Variants in POC1B observed in about 807,000 individuals in gnomAD.
POC1B encodes POC1 centriolar protein homolog B.
A neutral mutation model predicts 60.6 loss-of-function variants in POC1B; 44 were observed. The observed-to-expected ratio is 0.73, with a 90% confidence interval of 0.57 to 0.93. POC1B has a LOEUF of 0.93. Among genes scored for constraint, POC1B ranks in the 40% least tolerant of loss-of-function variants. POC1B has a pLI of 0.00. For synonymous variants in POC1B, 180 were observed against 198.9 expected, an observed-to-expected ratio of 0.90 and a Z score of 0.80; for missense variants, 555 against 572.3, an observed-to-expected ratio of 0.97 and a Z score of 0.31.
intron 2 of POC1B, chr12:89,519,368 A>T (rs1335026743): frequency 6.6e-6 from 1 of 152,226 alleles, no homozygotes; most frequent in Non-Finnish European, 1.5e-5. Flanking sequence ...TTATAAATGT[A>T]TACATAGGAG....
At chr12:89,402,055 G>A in the POC1B span, among the ~76,000 whole-genome samples, 1 of 152,168 alleles carries the variant, frequency 6.6e-6, no homozygotes, top group Non-Finnish European at 1.5e-5. Context: ...GCTCAGAGCT[G>A]CTCACTGTAG....
At chr12:89,416,544 G>T (rs1880368394), downstream of POC1B, among the ~76,000 whole-genome samples, 1 of 152,206 alleles carries the variant, frequency 6.6e-6, no homozygotes, top group Non-Finnish European at 1.5e-5. Flanking sequence ...AACACTATGT[G>T]AAAGACTTGG....
intron 10 of POC1B, among the ~76,000 whole-genome samples, chr12:89,438,809 T>C (rs1487353019): frequency 6.6e-6 from 1 of 152,256 alleles, no homozygotes; most frequent in African/African-American, 2.4e-5. Flanking sequence ...TACTCACTTA[T>C]TCTTCTTTCC....
intron 10 of POC1B, chr12:89,428,067 C>T (rs1039095393): frequency 2.0e-5 from 3 of 152,206 alleles, no homozygotes; most frequent in Non-Finnish European, 2.9e-5. Context: ...TCTAAGAAAT[C>T]TTGACTCATG....
At chr12:89,519,463 C>A (rs1363024833) in intron 2 of POC1B, 1 of 151,958 alleles carries the variant, frequency 6.6e-6, no homozygotes, top group African/African-American at 2.4e-5. Flanking sequence ...ATCAACATTA[C>A]AAATACAAAA....
chr12:89,446,726 A>C (rs957622656), intron 10 of POC1B, among the ~76,000 whole-genome samples: 2 of 152,052 alleles, frequency 1.3e-5, no homozygotes, highest in African/African-American at 4.8e-5. Flanking sequence ...TAATTAAAAA[A>C]AAAAAAGAAA....
intron 10 of POC1B, among the ~76,000 whole-genome samples, chr12:89,438,052 A>G (rs74525234): frequency 1.0e-5 from 1 of 99,900 alleles, no homozygotes; most frequent in African/African-American, 3.6e-5. Context: ...AACCGTCTCA[A>G]AAAAAAAAAA....
chr12:89,488,944 A>G (rs1276464210), intron 4 of POC1B, among the ~76,000 whole-genome samples: 2 of 151,624 alleles, frequency 1.3e-5, no homozygotes, highest in Non-Finnish European at 2.9e-5. Context: ...GGGCTAAATA[A>G]CTCTCTTCAT....
At chr12:89,524,672 G>A in intron 2 of POC1B, 1 of 1,063,134 alleles carries the variant, frequency 9.4e-7, no homozygotes, top group South Asian at 1.6e-5. Context: ...GCAGGCGCTA[G>A]GCTCCTTTCC....
At chr12:89,453,279 G>A (rs1489023016) in intron 10 of POC1B, among the ~76,000 whole-genome samples, 41 of 152,006 alleles carry the variant, frequency 2.7e-4, no homozygotes, top group Admixed American at 2.6e-3. Flanking sequence ...TTGAGTTACC[G>A]AATAAAAAAT....
chr12:89,440,240 T>C (rs774977486), intron 10 of POC1B, among the ~76,000 whole-genome samples: 15 of 152,254 alleles, frequency 9.9e-5, no homozygotes, highest in Non-Finnish European at 2.1e-4. Flanking sequence ...TGAAAAATTT[T>C]CTGTTTCTTC....
intron 2 of POC1B, chr12:89,523,923 C>A (rs1188288262): frequency 6.2e-7 from 1 of 1,609,530 alleles, no homozygotes; most frequent in Non-Finnish European, 8.5e-7. Flanking sequence ...TCAGACGGGC[C>A]CTAACCAGCC....
chr12:89,467,182 G>T lies in POC1B; in HGVS notation c.880-260C>A, dbSNP rs918349850. On this transcript the variant is annotated intron_variant, in intron 8 of 11. Coordinates refer to ENST00000313546, the MANE Select transcript of POC1B (RefSeq NM_172240.3). ...TATCTTAAAATCCTCTTTTTTTTTGGTCAAAGCCCAAAACCATGTTTTGGA... is the reference window on the plus strand; with the variant it reads ...TATCTTAAAATCCTCTTTTTTTTTGTTCAAAGCCCAAAACCATGTTTTGGA... 2.7e-5 allele frequency among the ~76,000 whole-genome samples: 4 copies of T among 150,602 alleles called. No individual in the cohort carries two copies. The East Asian group carries it at 5.8e-4, about 22-fold the overall frequency.
At chr12:89,414,435 T>C in the POC1B span, among the ~76,000 whole-genome samples, 19 of 152,238 alleles carry the variant, frequency 1.2e-4, no homozygotes, top group Non-Finnish European at 2.4e-4. Flanking sequence ...AACCTCTGCC[T>C]CTTGGCAAGC....
At position 89,438,488 on chromosome 12, in the gene POC1B, G is replaced by A. The variant is rs562327710; in HGVS notation, c.1114-13109C>T. Among the ~76,000 whole-genome samples, 10 of 152,106 alleles carry A rather than the reference G, an allele frequency of 6.6e-5. No homozygotes were observed. In the East Asian group the frequency reaches 1.4e-3, roughly 21 times the overall value. On this transcript the variant is annotated intron_variant, in intron 10 of 11. Coordinates refer to ENST00000313546, the MANE Select transcript of POC1B (RefSeq NM_172240.3). ...AAACAAACAAACAAACAAACAAAAA[G>A]CTCTTCAAAAGGTTAGCAATAATCT...
intron 3 of POC1B, 41 bp downstream of exon 3, chr12:89,497,130 C>T (rs996704116): frequency 5.7e-6 from 9 of 1,583,936 alleles, no homozygotes; most frequent in Admixed American, 1.7e-5. Flanking sequence ...TTTCACATTT[C>T]CAAATCCAAA....
intron 10 of POC1B, among the ~76,000 whole-genome samples, chr12:89,451,614 G>T (rs1392155748): frequency 2.0e-5 from 3 of 152,150 alleles, no homozygotes; most frequent in Non-Finnish European, 4.4e-5. Context: ...GACCAGCACT[G>T]GGCCTTAATA....
rs1344406262 is a variant in POC1B, at chr12:89,497,341, A to T, written c.102T>A (p.Ala34=). 6.2e-7 allele frequency: 1 copy of T among 1,610,372 alleles called. No individual in the cohort carries two copies. The highest frequency in any genetic ancestry group is 2.2e-5 in the East Asian group (1 of 44,864). ...TGAGAAAGGTATCCCAAGAAGCAGT[A>T]GCTATCAAGAAATAGAAGAACAAAA... ...LDLSPNGKQL[A]TASWDTFLML... Residue 34 remains alanine (A), a splice_region_variant and synonymous_variant, in exon 3 of 12, where the codon GCT becomes GCA. Coordinates refer to ENST00000313546, the MANE Select transcript of POC1B (RefSeq NM_172240.3).
rs1030360750 is a variant in POC1B, at chr12:89,419,937, T to C, written c.*1216A>G. 7.2e-5 allele frequency: 11 copies of C among 152,194 alleles called. No homozygotes were observed. The highest frequency in any genetic ancestry group is 1.2e-4 in the Non-Finnish European group (8 of 68,032). The allele number at this position is 152,194 out of a possible 1,614,324, so 9.4% of individuals were successfully genotyped here. A position where few individuals can be genotyped will look rare whatever the true frequency, so the allele number is the denominator to read the frequency against. On this transcript the variant is annotated 3_prime_UTR_variant, in exon 12 of 12. Coordinates refer to ENST00000313546, the MANE Select transcript of POC1B (RefSeq NM_172240.3). ...GATACTTAGAAACCCATCTCATAGATACAATTGAAATTTCTTTGAGAAAAA... is the reference window on the plus strand; with the variant it reads ...GATACTTAGAAACCCATCTCATAGACACAATTGAAATTTCTTTGAGAAAAA...
Sources: gnomAD v4.1 joint callset for allele counts (sites outside exome capture counted in the v4.1 genomes callset) on GRCh38, gnomAD v4.1.1 for gene constraint, MANE v1.5 for transcripts, NCBI Gene and HGNC (gene_info 2026-07-23, HGNC 2026-07-21) for gene names.